GRM7: variants seen among roughly 807,000 people sequenced by gnomAD.
The protein encoded by GRM7 is metabotropic glutamate receptor 7.
Under a neutral mutation model 84.5 loss-of-function variants are expected in GRM7, and 35 were observed. The ratio of observed to expected loss-of-function variants is 0.41; its 90% CI spans 0.32 to 0.55. The LOEUF is 0.55. Among genes scored for constraint, GRM7 ranks in the 20% least tolerant of loss-of-function variants. The pLI is 0.19. For missense variants in GRM7, 1,003 were observed against 1,194.6 expected (o/e 0.84, Z 2.36); for synonymous variants, 487 against 455.1 (o/e 1.07, Z -0.89).
At chr3:7,550,075 T>A (rs1693375630) in intron 7 of GRM7, among the ~76,000 whole-genome samples, 1 of 152,088 alleles carries the variant, frequency 6.6e-6, no homozygotes, top group Non-Finnish European at 1.5e-5. Flanking sequence ...TAGTGTAATA[T>A]AGTTATTGTC....
intron 2 of GRM7, among the ~76,000 whole-genome samples, chr3:7,253,911 A>G (rs1698103485): frequency 6.6e-6 from 1 of 152,166 alleles, no homozygotes; most frequent in Admixed American, 6.5e-5. Context: ...CCTTGACAGA[A>G]GAGTTAGTGC....
chr3:7,224,782 A>T (rs1419898642), intron 2 of GRM7, among the ~76,000 whole-genome samples: 2 of 152,126 alleles, frequency 1.3e-5, no homozygotes, highest in African/African-American at 2.4e-5. Flanking sequence ...AGACTGACAG[A>T]ATTGTGGATG....
intron 7 of GRM7, among the ~76,000 whole-genome samples, chr3:7,505,105 G>T (rs1205991147): frequency 6.6e-6 from 1 of 152,160 alleles, no homozygotes; most frequent in Non-Finnish European, 1.5e-5. Context: ...AGGCATAACT[G>T]GTTCCAAGTA....
chr3:7,166,872 A>T (rs1694816618), intron 2 of GRM7, among the ~76,000 whole-genome samples: 1 of 152,190 alleles, frequency 6.6e-6, no homozygotes. Context: ...ATCTGGCTTT[A>T]GGAAATGAAT....
intron 4 of GRM7, among the ~76,000 whole-genome samples, chr3:7,330,311 G>A (rs1701153378): frequency 1.3e-5 from 2 of 152,078 alleles, no homozygotes; most frequent in Non-Finnish European, 2.9e-5. Context: ...ACCCTCCAGT[G>A]ACTTTCTGTC....
intron 4 of GRM7, among the ~76,000 whole-genome samples, chr3:7,413,388 C>T (rs923060870): frequency 7.9e-5 from 12 of 152,136 alleles, no homozygotes; most frequent in African/African-American, 2.7e-4. Context: ...TAGAGGCAAA[C>T]TTCAAGACTT....
At chr3:7,396,799 G>T (rs995348339) in intron 4 of GRM7, among the ~76,000 whole-genome samples, 1 of 152,070 alleles carries the variant, frequency 6.6e-6, no homozygotes, top group African/African-American at 2.4e-5. Context: ...AACTGTGCTT[G>T]GTTTTAGCCA....
At position 7,547,937 on chromosome 3, in the gene GRM7, A is replaced by G. The variant is rs570242117; in HGVS notation, c.1516-30485A>G. Reference sequence around the variant, plus strand: ...CCAGAAGAACTTGTTTGGAACAGAGAGAGGACTGACTATGGATTCTGAAAT... The same window carrying G: ...CCAGAAGAACTTGTTTGGAACAGAGGGAGGACTGACTATGGATTCTGAAAT... On this transcript the variant is annotated intron_variant, in intron 7 of 9. Transcript: ENST00000357716. Among the ~76,000 whole-genome samples the G allele has an allele frequency of 2.0e-4, 30 of 152,324 alleles. No homozygotes were observed. In the South Asian group the frequency reaches 5.8e-3, roughly 29 times the overall value.
chr3:7,464,869 A>C (rs1027106774), intron 7 of GRM7, among the ~76,000 whole-genome samples: 7 of 150,086 alleles, frequency 4.7e-5, no homozygotes, highest in Non-Finnish European at 1.0e-4. Context: ...GGTGGCGCAC[A>C]CCTGTAATCC....
intron 9 of GRM7, among the ~76,000 whole-genome samples, chr3:7,691,817 T>A (rs1404075214): frequency 2.0e-5 from 3 of 152,000 alleles, no homozygotes; most frequent in Non-Finnish European, 4.4e-5. Context: ...TGTGCCACCA[T>A]GCCTGGCTAA....
rs73810632 is a variant in GRM7 at position 7,415,364 on chromosome 3, A to G, written c.1174+201A>G. ...GACAAGAATGTATTCTTTTCTGCCT[A>G]TCTAGCAGTAATTGACATTTTCAGT... is the stretch of plus-strand genomic sequence containing the variant. On this transcript the variant is annotated intron_variant, in intron 5 of 9. Coordinates refer to ENST00000357716, the MANE Select transcript of GRM7 (RefSeq NM_000844.4). Among the ~76,000 whole-genome samples, 798 of 152,274 alleles carry G rather than the reference A, an allele frequency of 5.2e-3. 6 individuals are homozygous for G. Among genetic ancestry groups the G allele is most frequent in the South Asian group, 0.023 (110 of 4,824 alleles).
At chr3:7,352,321 A>G (rs1217586229) in intron 4 of GRM7, among the ~76,000 whole-genome samples, 1 of 152,144 alleles carries the variant, frequency 6.6e-6, no homozygotes, top group Non-Finnish European at 1.5e-5. Context: ...CAGTGACTCT[A>G]TACATGGCAT....
At position 7,402,851 on chromosome 3, in the gene GRM7, A is replaced by G. The variant is rs561997519; in HGVS notation, c.1034-12172A>G. On this transcript the variant is annotated intron_variant, in intron 4 of 9. Transcript: ENST00000357716. The stretch of plus-strand genomic sequence containing the variant: ...TCTTTTTCCCCTCTCAGACTTGCAT[A>G]TGAAAAGTCTTTCCTTCAAAAGGTT... Among the ~76,000 whole-genome samples, 8 of 148,152 alleles carry G rather than the reference A, an allele frequency of 5.4e-5. No homozygotes were observed. The South Asian group carries it at 1.7e-3, about 32-fold the overall frequency.
intron 7 of GRM7, among the ~76,000 whole-genome samples, chr3:7,515,897 C>A (rs1321015979): frequency 1.3e-5 from 2 of 152,074 alleles, no homozygotes; most frequent in African/African-American, 4.8e-5. Flanking sequence ...AATCCCAGCA[C>A]TTTGGGAGAC....
chr3:6,923,249 A>T (rs548466095), intron 1 of GRM7, among the ~76,000 whole-genome samples: 1 of 152,184 alleles, frequency 6.6e-6, no homozygotes, highest in Non-Finnish European at 1.5e-5. Context: ...TTCTGACCTC[A>T]GATGATCCAC....
At position 7,393,149 on chromosome 3, in the gene GRM7, C is replaced by T. The variant is rs112765607; in HGVS notation, c.1034-21874C>T. Among the ~76,000 whole-genome samples the T allele has an allele frequency of 3.3e-3, 498 of 152,230 alleles. 4 individuals are homozygous for T. The highest frequency in any genetic ancestry group is 0.011 in the African/African-American group (476 of 41,532). ...ACCTCATAGAAATGTAGCAAGTACCCTCCCAGGAACGCATGGCCATGCCCC... is the reference window on the plus strand; with the variant it reads ...ACCTCATAGAAATGTAGCAAGTACCTTCCCAGGAACGCATGGCCATGCCCC... On this transcript the variant is annotated intron_variant, in intron 4 of 9. Transcript: ENST00000357716.
chr3:6,889,589 A>G (rs2124979647), intron 1 of GRM7, among the ~76,000 whole-genome samples: 1 of 152,312 alleles, frequency 6.6e-6, no homozygotes, highest in East Asian at 1.9e-4. Context: ...AGCCCACTTA[A>G]TCATCGTGGA....
chr3:7,195,267 C>T (rs1695841618), intron 2 of GRM7, among the ~76,000 whole-genome samples: 1 of 152,118 alleles, frequency 6.6e-6, no homozygotes, highest in Non-Finnish European at 1.5e-5. Context: ...TGACTTCCCT[C>T]CATGCTTCAG....
rs536075038 is a variant in GRM7, at chr3:7,333,269, C to T, written c.1033+26617C>T. On this transcript the variant is annotated intron_variant, in intron 4 of 9. Coordinates refer to ENST00000357716, the MANE Select transcript of GRM7 (RefSeq NM_000844.4). ...CCACTTTACTCCCCTGCTACCTCCACCTGAGCAGGTGCTGGACCTGAAGAG... is the reference window on the plus strand; with the variant it reads ...CCACTTTACTCCCCTGCTACCTCCATCTGAGCAGGTGCTGGACCTGAAGAG... 3.3e-5 allele frequency among the ~76,000 whole-genome samples: 5 copies of T among 152,326 alleles called. No individual in the cohort carries two copies. The South Asian group carries it at 8.3e-4, about 25-fold the overall frequency.
Sources: gnomAD v4.1 joint callset for allele counts (sites outside exome capture counted in the v4.1 genomes callset) on GRCh38, gnomAD v4.1.1 for gene constraint, MANE v1.5 for transcripts, NCBI Gene and HGNC (gene_info 2026-07-23, HGNC 2026-07-21) for gene names.